The following IAH1 variants were observed in gnomAD, a reference collection of about 807,000 sequenced individuals.
IAH1 encodes the protein isoamyl acetate-hydrolyzing esterase 1 homolog.
IAH1 carries 24 observed loss-of-function variants against 26.7 expected under a neutral mutation model. That is an observed-to-expected ratio of 0.90 (90% CI 0.65 to 1.26). The LOEUF (loss-of-function observed/expected upper bound fraction) is 1.26. Ranked by LOEUF, IAH1 falls within the 50% of genes most tolerant of loss-of-function variation. The pLI is 0.00. For missense variants in IAH1, 300 were observed against 299.9 expected (o/e 1.00, Z 0.00); for synonymous variants, 140 against 118.5 (o/e 1.18, Z -1.18).
downstream of IAH1, among the ~76,000 whole-genome samples, chr2:9,497,493 T>C (rs1284062882): frequency 6.6e-6 from 1 of 152,154 alleles, no homozygotes; most frequent in Non-Finnish European, 1.5e-5. Flanking sequence ...GAATGCATGG[T>C]CTCCACTTCT....
At chr2:9,505,002 C>T in the IAH1 span, among the ~76,000 whole-genome samples, 1 of 152,110 alleles carries the variant, frequency 6.6e-6, no homozygotes, top group South Asian at 2.1e-4. Flanking sequence ...CCGTGCCAGG[C>T]CCAGAAAGCA....
intron 5 of IAH1, among the ~76,000 whole-genome samples, chr2:9,487,707 A>G (rs1241054989): frequency 6.6e-6 from 1 of 152,082 alleles, no homozygotes; most frequent in African/African-American, 2.4e-5. Context: ...GGGGCTGGTG[A>G]TATTTCTGTC....
intron 3 of IAH1, among the ~76,000 whole-genome samples, chr2:9,478,989 G>A (rs987775726): frequency 1.4e-4 from 22 of 152,192 alleles, no homozygotes; most frequent in Non-Finnish European, 2.6e-4. Flanking sequence ...GATTTCTTTT[G>A]TTACCCTACT....
chr2:9,478,441 T>A (rs1054407206), intron 3 of IAH1, 71 bp downstream of exon 3: 82 of 1,408,998 alleles, frequency 5.8e-5, no homozygotes, highest in Middle Eastern at 1.9e-4. Flanking sequence ...TTGCATTTAA[T>A]ATACTTTTTT....
intron 3 of IAH1, chr2:9,481,020 A>G (rs546127956): frequency 1.1e-4 from 37 of 325,694 alleles, no homozygotes; most frequent in African/African-American, 7.7e-4. Context: ...TACAAATTCA[A>G]CCTAATTGAT....
chr2:9,505,410 AATGTATTCCC>A, the IAH1 span: 1 of 1,546,424 alleles, frequency 6.5e-7, no homozygotes, highest in Non-Finnish European at 8.9e-7. Context: ...ATATCATAAA[AATGTATTCCC>A]ATGCAATGTT....
upstream of IAH1, among the ~76,000 whole-genome samples, chr2:9,474,074 C>T (rs1682321206): frequency 6.6e-6 from 1 of 152,216 alleles, no homozygotes; most frequent in Non-Finnish European, 1.5e-5. The surrounding 1 kb of genome is among the most constrained non-coding windows in gnomAD (Gnocchi z 4.3). Flanking sequence ...TTCGCAGAAC[C>T]ACGAGGTACT....
intron 3 of IAH1, among the ~76,000 whole-genome samples, chr2:9,479,795 CTTTTTT>C (rs5829216): frequency 1.3e-4 from 9 of 69,868 alleles, no homozygotes; most frequent in East Asian, 2.4e-3. Flanking sequence ...CTGTGTATTG[CTTTTTT>C]TTTTTTTTTT....
At chr2:9,507,291 G>A in the IAH1 span, among the ~76,000 whole-genome samples, 1 of 152,086 alleles carries the variant, frequency 6.6e-6, no homozygotes, top group African/African-American at 2.4e-5. Context: ...GGAGTTTGTT[G>A]ACCAGTCAGT....
chr2:9,505,311 G>C, the IAH1 span: 1 of 1,614,022 alleles, frequency 6.2e-7, no homozygotes, highest in Non-Finnish European at 8.5e-7. Flanking sequence ...AAACACTCCT[G>C]GGCCTTACTT....
At chr2:9,477,125 T>C (rs1572831044) in intron 2 of IAH1, among the ~76,000 whole-genome samples, 2 of 152,172 alleles carry the variant, frequency 1.3e-5, no homozygotes, top group African/African-American at 4.8e-5. Flanking sequence ...ACACAAACAA[T>C]CTCTTAGAAA....
In IAH1 at chr2:9,481,268, C is replaced by A. The variant is rs1279161923; in HGVS notation, c.284-18C>A. On this transcript the variant is annotated intron_variant, in intron 3 of 5. Transcript: ENST00000497473. ...AATAAATATGCATCTGGTGAGGACT[C>A]ATGTTTCTCTTGAGCAGATGAGAAT... 1.9e-6 allele frequency: 3 copies of A among 1,613,426 alleles called. No individual in the cohort carries two copies.
downstream of IAH1, among the ~76,000 whole-genome samples, chr2:9,497,541 C>T (rs1440277077): frequency 2.0e-5 from 3 of 152,208 alleles, no homozygotes; most frequent in Admixed American, 2.0e-4. Context: ...ATCCTATGTG[C>T]TATTACTTAG....
chr2:9,492,846 G>A (rs73913116), downstream of IAH1: 13,340 of 1,482,884 alleles, frequency 9.0e-3, 1,024 homozygotes, highest in African/African-American at 0.16. Flanking sequence ...CATGGTTGGA[G>A]TTGATCAAAA....
chr2:9,511,493 G>A, the IAH1 span, among the ~76,000 whole-genome samples: 1 of 151,876 alleles, frequency 6.6e-6, no homozygotes, highest in African/African-American at 2.4e-5. Flanking sequence ...ACAAAACAAT[G>A]TTTTATTTTC....
downstream of IAH1, among the ~76,000 whole-genome samples, chr2:9,492,741 C>T (rs1164374804): frequency 4.6e-5 from 7 of 152,058 alleles, no homozygotes; most frequent in African/African-American, 9.7e-5. Flanking sequence ...AAGCTTTCTA[C>T]AAGACATGTT....
Position 9,474,882 on chromosome 2 carries a change from C to T in IAH1, c.81+235C>T, listed in dbSNP as rs959523356. ...CGAGAGCCCGGGCTCCAGGCACAGA[C>T]GCGAGGGGACCCGGCCGCGCTGCCC... On this transcript the variant is annotated intron_variant, in intron 1 of 5. Coordinates refer to ENST00000497473, the MANE Select transcript of IAH1 (RefSeq NM_001039613.3). The surrounding 1 kb of genome is among the most constrained non-coding windows in gnomAD (Gnocchi z 4.3). 3.7e-6 allele frequency: 2 copies of T among 542,052 alleles called. No homozygotes were observed. Among genetic ancestry groups the T allele is most frequent in the Non-Finnish European group, 5.4e-6 (2 of 372,812 alleles). 33.6% of individuals were successfully genotyped at this position (542,052 alleles called of 1,614,324 possible). A position where few individuals can be genotyped will look rare whatever the true frequency, so the allele number is the denominator to read the frequency against.
downstream of IAH1, among the ~76,000 whole-genome samples, chr2:9,498,955 A>G (rs1370104932): frequency 6.6e-6 from 1 of 152,172 alleles, no homozygotes; most frequent in Non-Finnish European, 1.5e-5. Flanking sequence ...AAATCACCTG[A>G]CAGAAGGTTA....
intron 1 of IAH1, chr2:9,475,603 C>A (rs193130730): frequency 4.0e-6 from 1 of 250,526 alleles, no homozygotes; most frequent in South Asian, 4.6e-5. Context: ...CGGATTCAAG[C>A]GTTTCTCCTG....
Sources: allele counts gnomAD v4.1 joint callset (sites outside exome capture counted in the v4.1 genomes callset), GRCh38; gene constraint gnomAD v4.1.1; non-coding constraint Gnocchi (gnomAD v3.1); transcripts MANE v1.5; gene names NCBI Gene and HGNC (gene_info 2026-07-23, HGNC 2026-07-21).